KLF8: variants seen among roughly 807,000 people sequenced by gnomAD.
The protein encoded by KLF8 is Krueppel-like factor 8.
In KLF8, 10 loss-of-function variants were observed where a neutral mutation model predicts 18.2. The ratio of observed to expected loss-of-function variants is 0.55; its 90% CI spans 0.34 to 0.93. KLF8 has a LOEUF of 0.93. Among genes scored for constraint, KLF8 ranks in the 40% least tolerant of loss-of-function variants. The probability of loss-of-function intolerance (pLI) is 0.02; values close to 1 mark genes in which losing one functional copy is unlikely to be tolerated. For missense variants in KLF8, 264 were observed against 277.9 expected (o/e 0.95, Z 0.36); for synonymous variants, 109 against 97.3 (o/e 1.12, Z -0.71).
chrX:56,233,670 T>G (rs1380829656), intron 1 of KLF8, among the ~76,000 whole-genome samples: 1 of 111,802 alleles, frequency 8.9e-6, no homozygotes, highest in Non-Finnish European at 1.9e-5. Flanking sequence ...TGTCTTTGAC[T>G]TAACCCCACA....
At chrX:56,247,316 A>G (rs1297509750) in intron 1 of KLF8, among the ~76,000 whole-genome samples, 1 of 111,773 alleles carries the variant, frequency 8.9e-6, no homozygotes, top group Non-Finnish European at 1.9e-5. Context: ...GTACCTGAAC[A>G]CCACTTAACA....
chrX:56,241,148 C>CT (rs2147576570), intron 1 of KLF8, among the ~76,000 whole-genome samples: 1 of 111,625 alleles, frequency 9.0e-6, no homozygotes, highest in African/African-American at 3.3e-5. Context: ...TTTTTGTCTA[C>CT]TTTTGTATGC....
the KLF8 span, among the ~76,000 whole-genome samples, chrX:55,922,164 A>G: frequency 8.9e-6 from 1 of 112,988 alleles, no homozygotes; most frequent in African/African-American, 3.2e-5. Context: ...ATACATGCAT[A>G]CGTATGTTCA....
the KLF8 span, among the ~76,000 whole-genome samples, chrX:55,944,841 T>G: frequency 1.3e-4 from 15 of 111,709 alleles, no homozygotes; most frequent in Non-Finnish European, 2.6e-4. Context: ...TCAGTTCTGC[T>G]GTGATCTTAG....
the KLF8 span, among the ~76,000 whole-genome samples, chrX:56,182,269 T>A: frequency 1.8e-5 from 2 of 112,599 alleles, no homozygotes; most frequent in African/African-American, 6.5e-5. Flanking sequence ...CTGAAGCTTG[T>A]GCATTCGTCA....
At chrX:56,171,967 G>A in the KLF8 span, among the ~76,000 whole-genome samples, 8 of 111,529 alleles carry the variant, frequency 7.2e-5, no homozygotes, top group African/African-American at 2.6e-4. Flanking sequence ...CACAATGGTT[G>A]AACTAGTTTA....
chrX:55,927,075 G>C, the KLF8 span, among the ~76,000 whole-genome samples: 1 of 112,046 alleles, frequency 8.9e-6, no homozygotes, highest in East Asian at 2.8e-4. Flanking sequence ...AAAGTGATCA[G>C]AAAGAGGTTT....
At chrX:56,102,745 T>A in the KLF8 span, among the ~76,000 whole-genome samples, 14 of 111,685 alleles carry the variant, frequency 1.3e-4, no homozygotes, top group South Asian at 5.2e-3. Flanking sequence ...TTCTTTTTTA[T>A]TTCTTATTTT....
chrX:56,002,848 G>A, the KLF8 span, among the ~76,000 whole-genome samples: 9 of 111,315 alleles, frequency 8.1e-5, no homozygotes, highest in Non-Finnish European at 1.3e-4. Flanking sequence ...TTTTTTCGCT[G>A]AGCATACCAA....
chrX:56,179,809 G>A, the KLF8 span, among the ~76,000 whole-genome samples: 2 of 111,873 alleles, frequency 1.8e-5, no homozygotes, highest in Admixed American at 9.5e-5. Context: ...ATTTGGGTAT[G>A]TTGAAACAGC....
At chrX:56,165,101 C>A in the KLF8 span, among the ~76,000 whole-genome samples, 1 of 108,756 alleles carries the variant, frequency 9.2e-6, no homozygotes, top group Admixed American at 9.9e-5. Flanking sequence ...TTTATGGCTG[C>A]ATAGTATTCC....
At chrX:56,250,372 C>T in intron 2 of KLF8, 68 bp downstream of exon 2, 2 of 784,460 alleles carry the variant, frequency 2.5e-6, no homozygotes, top group South Asian at 2.4e-5. Context: ...GTAGTGATTA[C>T]AGAATTTAAA....
At chrX:56,065,545 A>G in the KLF8 span, among the ~76,000 whole-genome samples, 8 of 110,955 alleles carry the variant, frequency 7.2e-5, no homozygotes, top group East Asian at 1.4e-3. Flanking sequence ...TTAAGATTTC[A>G]TAATTTTTTT....
At chrX:55,954,514 G>A in the KLF8 span, among the ~76,000 whole-genome samples, 13 of 111,685 alleles carry the variant, frequency 1.2e-4, no homozygotes, top group East Asian at 3.4e-3. Context: ...CACCAGGATA[G>A]CCATAATAGA....
At chrX:56,259,064 T>G (rs1038022938) in intron 2 of KLF8, among the ~76,000 whole-genome samples, 17 of 111,746 alleles carry the variant, frequency 1.5e-4, no homozygotes, top group Non-Finnish European at 1.7e-4. Flanking sequence ...TCGTTTCTGA[T>G]TACTTCCTAC....
At chrX:56,065,269 C>T in the KLF8 span, among the ~76,000 whole-genome samples, 4 of 111,186 alleles carry the variant, frequency 3.6e-5, no homozygotes, top group Admixed American at 3.8e-4. Flanking sequence ...GTTGACTTTC[C>T]TTATTCTTTT....
At chrX:56,235,430 T>TC (rs1470979699) in intron 1 of KLF8, among the ~76,000 whole-genome samples, 3 of 107,459 alleles carry the variant, frequency 2.8e-5, no homozygotes, top group African/African-American at 1.0e-4. Flanking sequence ...TTTTTTTTTT[T>TC]TTTGACACGG....
chrX:56,229,533 C>G (rs1179287327), upstream of KLF8, among the ~76,000 whole-genome samples: 1 of 111,941 alleles, frequency 8.9e-6, no homozygotes, highest in Non-Finnish European at 1.9e-5. Context: ...TACCTGCTCC[C>G]TCACACCCTT....
At chrX:55,990,860 A>C in the KLF8 span, among the ~76,000 whole-genome samples, 1 of 111,074 alleles carries the variant, frequency 9.0e-6, no homozygotes, top group Non-Finnish European at 1.9e-5. Context: ...TTCCTCTGGA[A>C]GTTTTGTCTC....
Sources: gnomAD v4.1 joint callset for allele counts (sites outside exome capture counted in the v4.1 genomes callset) on GRCh38, gnomAD v4.1.1 for gene constraint, MANE v1.5 for transcripts, NCBI Gene and HGNC (gene_info 2026-07-23, HGNC 2026-07-21) for gene names.